The following SLC35D4 variants were observed in gnomAD, a reference collection of about 807,000 sequenced individuals.
SLC35D4 encodes UDP-N-acetylglucosamine transporter SLC35D4.
chr18:23,373,841 G>C, the SLC35D4 span: 3 of 1,501,630 alleles, frequency 2.0e-6, no homozygotes, highest in African/African-American at 4.2e-5. Context: ...AGGTGAAAAT[G>C]CATCCTCTGG....
chr18:23,274,878 AAGTCCC>A, the SLC35D4 span, among the ~76,000 whole-genome samples: 22 of 152,252 alleles, frequency 1.4e-4, no homozygotes, highest in Non-Finnish European at 2.5e-4. Flanking sequence ...TTAGAAACAC[AAGTCCC>A]TGCGGCAGGC....
At chr18:23,421,512 C>G in the SLC35D4 span, 1 of 1,426,906 alleles carries the variant, frequency 7.0e-7, no homozygotes, top group South Asian at 1.2e-5. Context: ...CCAGCCCCAG[C>G]AGATCTGCTG....
the SLC35D4 span, chr18:23,257,459 G>T: frequency 4.4e-6 from 6 of 1,367,380 alleles, no homozygotes; most frequent in Non-Finnish European, 5.9e-6. Flanking sequence ...GTAGAACTCA[G>T]AATACCAGAC....
At chr18:23,363,591 G>A in the SLC35D4 span, among the ~76,000 whole-genome samples, 22 of 151,696 alleles carry the variant, frequency 1.5e-4, no homozygotes, top group African/African-American at 5.1e-4. Flanking sequence ...AGCCAGGATG[G>A]TCTCGATCTC....
chr18:23,428,356 G>A, the SLC35D4 span, among the ~76,000 whole-genome samples: 2 of 152,042 alleles, frequency 1.3e-5, no homozygotes, highest in African/African-American at 2.4e-5. Context: ...CATACCTTTT[G>A]CTCATGAAAT....
At chr18:23,286,930 C>T in the SLC35D4 span, among the ~76,000 whole-genome samples, 245 of 150,866 alleles carry the variant, frequency 1.6e-3, 3 homozygotes, top group Admixed American at 3.6e-3. Context: ...CCTCTTGTAT[C>T]CCCCCACCTT....
At chr18:23,350,157 T>A in the SLC35D4 span, among the ~76,000 whole-genome samples, 15 of 152,378 alleles carry the variant, frequency 9.8e-5, no homozygotes, top group African/African-American at 3.6e-4. Flanking sequence ...GTTATTGTTG[T>A]TTTGCTTATT....
At chr18:23,437,421 G>A in the SLC35D4 span, among the ~76,000 whole-genome samples, 1 of 151,930 alleles carries the variant, frequency 6.6e-6, no homozygotes, top group South Asian at 2.1e-4. Context: ...TTAGAAAAAA[G>A]GCAGGATGTG....
chr18:23,378,737 T>C, the SLC35D4 span, among the ~76,000 whole-genome samples: 1 of 152,216 alleles, frequency 6.6e-6, no homozygotes, highest in Non-Finnish European at 1.5e-5. Flanking sequence ...TTCTAAACAT[T>C]TCAGAAGGAT....
At chr18:23,260,003 G>T in the SLC35D4 span, 1 of 152,072 alleles carries the variant, frequency 6.6e-6, no homozygotes, top group Non-Finnish European at 1.5e-5. Context: ...GCCAGCCTAG[G>T]GGGCCCGGGA....
the SLC35D4 span, among the ~76,000 whole-genome samples, chr18:23,245,617 A>T: frequency 6.6e-6 from 1 of 152,212 alleles, no homozygotes; most frequent in African/African-American, 2.4e-5. Context: ...CTCAGAAGGA[A>T]TTTGTCTACT....
At chr18:23,330,276 T>C in the SLC35D4 span, among the ~76,000 whole-genome samples, 3 of 152,308 alleles carry the variant, frequency 2.0e-5, 1 homozygote, top group African/African-American at 7.2e-5. Context: ...GGAATGTGTG[T>C]ATAAAAAAAA....
At chr18:23,335,551 C>G in the SLC35D4 span, among the ~76,000 whole-genome samples, 1 of 152,104 alleles carries the variant, frequency 6.6e-6, no homozygotes, top group Admixed American at 6.5e-5. Context: ...AAAACCGAAC[C>G]CCTATAGAAT....
chr18:23,252,632 C>T, the SLC35D4 span, among the ~76,000 whole-genome samples: 14 of 152,288 alleles, frequency 9.2e-5, no homozygotes, highest in African/African-American at 2.9e-4. Context: ...AAGCCCCACG[C>T]GCTTAAGCCC....
At chr18:23,396,691 A>T in the SLC35D4 span, among the ~76,000 whole-genome samples, 1 of 152,086 alleles carries the variant, frequency 6.6e-6, no homozygotes, top group Non-Finnish European at 1.5e-5. Context: ...AGGCAGGAGG[A>T]TGACGTGAGC....
chr18:23,244,485 T>C, the SLC35D4 span, among the ~76,000 whole-genome samples: 3 of 152,244 alleles, frequency 2.0e-5, no homozygotes, highest in Non-Finnish European at 2.9e-5. Context: ...TCCTTGTGAT[T>C]TACTGTCCTC....
chr18:23,283,471 C>CAAAA, the SLC35D4 span, among the ~76,000 whole-genome samples: 114 of 42,380 alleles, frequency 2.7e-3, no homozygotes, highest in Non-Finnish European at 3.6e-3. Flanking sequence ...GACCCAGTCT[C>CAAAA]AAAAAAAAAA....
At chr18:23,264,124 C>T in the SLC35D4 span, among the ~76,000 whole-genome samples, 2 of 152,340 alleles carry the variant, frequency 1.3e-5, no homozygotes, top group South Asian at 4.1e-4. Flanking sequence ...GCTTTCTGCT[C>T]AGCATCTGTG....
At chr18:23,371,450 A>G in the SLC35D4 span, 107 of 1,598,958 alleles carry the variant, frequency 6.7e-5, no homozygotes, top group Non-Finnish European at 8.9e-5. Flanking sequence ...TTATAGCCCA[A>G]AAATATCCAT....
Sources: allele counts gnomAD v4.1 joint callset (sites outside exome capture counted in the v4.1 genomes callset), GRCh38; gene constraint gnomAD v4.1.1; transcripts MANE v1.5; gene names NCBI Gene and HGNC (gene_info 2026-07-23, HGNC 2026-07-21).